Variants in RIMOC1 observed in about 807,000 individuals in gnomAD.
The protein encoded by RIMOC1 is RAB7A-interacting MON1-CCZ1 complex subunit 1.
At chr5:41,907,856 G>A in the RIMOC1 span, 2 of 1,513,780 alleles carry the variant, frequency 1.3e-6, no homozygotes, top group South Asian at 1.2e-5. Context: ...CTGAAAGAGT[G>A]GTGGACTCTG....
At chr5:41,916,343 C>T in the RIMOC1 span, 3 of 816,414 alleles carry the variant, frequency 3.7e-6, no homozygotes, top group African/African-American at 1.9e-5. Flanking sequence ...ATACTTTATG[C>T]ACCATAAATA....
the RIMOC1 span, chr5:41,917,383 A>C: frequency 6.8e-7 from 1 of 1,466,754 alleles, no homozygotes; most frequent in Non-Finnish European, 9.0e-7. Context: ...AGACCTGTTG[A>C]TACTGAATAT....
chr5:41,917,175 G>A, the RIMOC1 span: 23 of 1,613,680 alleles, frequency 1.4e-5, no homozygotes, highest in East Asian at 4.5e-5. Context: ...TTGGATTTCC[G>A]AGAAGTAGGA....
chr5:41,915,636 G>A, the RIMOC1 span, among the ~76,000 whole-genome samples: 1 of 152,078 alleles, frequency 6.6e-6, no homozygotes, highest in Admixed American at 6.5e-5. Context: ...GAGAAGGAGA[G>A]AGAAGTGAAA....
At chr5:41,907,587 T>C in the RIMOC1 span, 7 of 522,298 alleles carry the variant, frequency 1.3e-5, no homozygotes, top group Non-Finnish European at 2.3e-5. Context: ...TTTCATGTTT[T>C]AGATAAGATA....
At chr5:41,918,163 C>T in the RIMOC1 span, 2 of 985,766 alleles carry the variant, frequency 2.0e-6, no homozygotes, top group South Asian at 9.4e-5. Context: ...TTTGGATGAT[C>T]TTTCTGATAC....
At chr5:41,907,012 A>G in the RIMOC1 span, among the ~76,000 whole-genome samples, 1 of 152,206 alleles carries the variant, frequency 6.6e-6, no homozygotes, top group Non-Finnish European at 1.5e-5. Flanking sequence ...AAGTGGACAC[A>G]TAAGAAAAGG....
chr5:41,906,693 C>T, the RIMOC1 span, among the ~76,000 whole-genome samples: 6 of 152,302 alleles, frequency 3.9e-5, no homozygotes, highest in Admixed American at 3.3e-4. Flanking sequence ...AATGCAATCT[C>T]AGGCTTTACC....
At chr5:41,912,968 C>A in the RIMOC1 span, among the ~76,000 whole-genome samples, 1 of 152,202 alleles carries the variant, frequency 6.6e-6, no homozygotes, top group Non-Finnish European at 1.5e-5. Flanking sequence ...CTTTTTCCTC[C>A]ATTCTTCTTT....
the RIMOC1 span, among the ~76,000 whole-genome samples, chr5:41,913,068 T>C: frequency 2.6e-5 from 4 of 152,302 alleles, no homozygotes; most frequent in Non-Finnish European, 1.5e-5. Flanking sequence ...CATCTCTGTT[T>C]AGGACATTGC....
At chr5:41,909,755 G>A in the RIMOC1 span, 1 of 1,505,566 alleles carries the variant, frequency 6.6e-7, no homozygotes. Context: ...GGCTATTTTG[G>A]ACATGACATA....
chr5:41,916,932 G>T, the RIMOC1 span: 1 of 1,237,206 alleles, frequency 8.1e-7, no homozygotes. Context: ...ATGACAAAAG[G>T]AACTTTAATT....
At chr5:41,909,683 T>C in the RIMOC1 span, 1 of 1,241,928 alleles carries the variant, frequency 8.1e-7, no homozygotes, top group Admixed American at 2.9e-5. Flanking sequence ...GGTTAGACTG[T>C]AAGAATTGTT....
chr5:41,908,488 A>G, the RIMOC1 span: 4 of 152,174 alleles, frequency 2.6e-5, no homozygotes, highest in African/African-American at 7.2e-5. Flanking sequence ...AAGTGGTTAC[A>G]GAAAGTACAG....
At chr5:41,909,608 T>G in the RIMOC1 span, 1 of 478,194 alleles carries the variant, frequency 2.1e-6, no homozygotes, top group South Asian at 7.4e-5. Flanking sequence ...ACATTTTGCC[T>G]ACTTCTCAAA....
the RIMOC1 span, among the ~76,000 whole-genome samples, chr5:41,908,985 C>A: frequency 6.6e-6 from 1 of 152,088 alleles, no homozygotes; most frequent in Non-Finnish European, 1.5e-5. Flanking sequence ...GTTTCTAGTA[C>A]CTTACATATG....
chr5:41,912,791 G>A, the RIMOC1 span, among the ~76,000 whole-genome samples: 2 of 152,106 alleles, frequency 1.3e-5, no homozygotes, highest in Middle Eastern at 3.2e-3. Context: ...ATTTGGGTGG[G>A]GACACAGAGC....
chr5:41,913,601 T>G, the RIMOC1 span, among the ~76,000 whole-genome samples: 3 of 152,316 alleles, frequency 2.0e-5, no homozygotes, highest in South Asian at 6.2e-4. Context: ...CATCTGAAGT[T>G]TTGATGGGAA....
the RIMOC1 span, chr5:41,917,145 G>T: frequency 8.7e-6 from 14 of 1,613,832 alleles, no homozygotes; most frequent in Non-Finnish European, 1.2e-5. Context: ...GGAGCGGGCT[G>T]CACTACATAC....
Sources: allele counts gnomAD v4.1 joint callset (sites outside exome capture counted in the v4.1 genomes callset), GRCh38; gene constraint gnomAD v4.1.1; transcripts MANE v1.5; gene names NCBI Gene and HGNC (gene_info 2026-07-23, HGNC 2026-07-21).